The following TRPM8 variants were observed in gnomAD, a reference collection of about 807,000 sequenced individuals.
TRPM8 encodes transient receptor potential cation channel subfamily M member 8.
TRPM8 carries 110 observed loss-of-function variants against 133.7 expected under a neutral mutation model. The observed-to-expected ratio is 0.82, with a 90% CI of 0.70 to 0.96. The LOEUF (loss-of-function observed/expected upper bound fraction) is 0.96, where lower values mean the gene tolerates loss of function less well. Ranked by LOEUF, TRPM8 falls within the 40% of genes least tolerant of loss-of-function variation. TRPM8 has a pLI of 0.00. For synonymous variants in TRPM8, 535 were observed against 532.3 expected (o/e 1.01, Z -0.07); for missense variants, 1,291 against 1,379.5 (o/e 0.94, Z 1.02).
chr2:233,968,802 A>G (rs1259104150), intron 15 of TRPM8, among the ~76,000 whole-genome samples: 1 of 152,020 alleles, frequency 6.6e-6, no homozygotes, highest in East Asian at 1.9e-4. Context: ...AGCTACTGTG[A>G]GTTTTCTAAT....
intron 8 of TRPM8, 38 bp downstream of exon 8, chr2:233,947,193 A>G: frequency 6.2e-7 from 1 of 1,608,644 alleles, no homozygotes; most frequent in Admixed American, 1.7e-5. Context: ...GTTGGCTAAT[A>G]AGCCTATCCA....
intron 6 of TRPM8, among the ~76,000 whole-genome samples, chr2:233,943,852 T>G (rs536938683): frequency 6.6e-6 from 1 of 152,362 alleles, no homozygotes; most frequent in East Asian, 1.9e-4. Context: ...CTGGGCTCCT[T>G]AGAAGCGGCA....
At chr2:233,983,353 TA>T in intron 20 of TRPM8, 129 bp downstream of exon 20, 1 of 1,034,958 alleles carries the variant, frequency 9.7e-7, no homozygotes, top group Non-Finnish European at 1.5e-6. Context: ...CATAACAGAG[TA>T]AAAACTCACT....
intron 17 of TRPM8, among the ~76,000 whole-genome samples, chr2:233,974,056 A>C (rs1453265642): frequency 6.6e-6 from 1 of 152,048 alleles, no homozygotes; most frequent in Non-Finnish European, 1.5e-5. Context: ...TGCAAGAGGG[A>C]GGGGCTGAAA....
intron 1 of TRPM8, among the ~76,000 whole-genome samples, chr2:233,921,094 C>T (rs1293393184): frequency 1.3e-5 from 2 of 152,104 alleles, no homozygotes; most frequent in Non-Finnish European, 2.9e-5. Flanking sequence ...CTCCTGACCT[C>T]AGGCGATCCA....
intron 6 of TRPM8, among the ~76,000 whole-genome samples, chr2:233,944,141 G>T (rs911889823): frequency 7.9e-5 from 12 of 152,132 alleles, no homozygotes; most frequent in African/African-American, 2.9e-4. Flanking sequence ...TTATGGGACT[G>T]ATTTATCTAA....
chr2:233,999,712 C>T (rs1180663742), intron 22 of TRPM8, among the ~76,000 whole-genome samples: 1 of 152,242 alleles, frequency 6.6e-6, no homozygotes, highest in Non-Finnish European at 1.5e-5. Flanking sequence ...GGGGGCTTAC[C>T]TCTCATTAAC....
At chr2:233,935,392 T>C (rs1355579181) in intron 3 of TRPM8, among the ~76,000 whole-genome samples, 1 of 152,208 alleles carries the variant, frequency 6.6e-6, no homozygotes, top group Non-Finnish European at 1.5e-5. Context: ...ATCCTGGTGC[T>C]GACCCACATC....
At chr2:234,016,134 A>G (rs775582491) in intron 25 of TRPM8, among the ~76,000 whole-genome samples, 21 of 152,144 alleles carry the variant, frequency 1.4e-4, no homozygotes, top group Non-Finnish European at 2.5e-4. Flanking sequence ...TTTTATTAAC[A>G]TATTGAGAAT....
chr2:234,005,425 T>G (rs1320434821), intron 22 of TRPM8, among the ~76,000 whole-genome samples: 1 of 152,236 alleles, frequency 6.6e-6, no homozygotes, highest in East Asian at 1.9e-4. Context: ...TGGCTGTCTG[T>G]GTCCAGGAGT....
rs202193573 is a variant in TRPM8 at position 234,017,897 on chromosome 2, C to T, written c.*641C>T. 1 of 152,178 alleles carries T rather than the reference C, an allele frequency of 6.6e-6. No homozygotes were observed. The highest frequency in any genetic ancestry group is 1.9e-4 in the East Asian group (1 of 5,190). 9.4% of individuals were successfully genotyped at this position (152,178 alleles called of 1,614,324 possible). A position where few individuals can be genotyped will look rare whatever the true frequency, so the allele number is the denominator to read the frequency against. On this transcript the variant is annotated 3_prime_UTR_variant, in exon 26 of 26. Transcript: ENST00000324695. ...ACTCACCAGGCTCCTATTGAAGGAA[C>T]CACCCCCATTCCTAAATATGTGAAA...
chr2:233,985,269 C>T (rs1368740880), intron 20 of TRPM8, among the ~76,000 whole-genome samples: 1 of 152,206 alleles, frequency 6.6e-6, no homozygotes, highest in African/African-American at 2.4e-5. Context: ...GCTCTCAGTT[C>T]TGAGACCCTT....
At chr2:233,949,856 G>A (rs773243023) in intron 8 of TRPM8, 93 bp from the exon 9 acceptor site, 79 of 1,142,762 alleles carry the variant, frequency 6.9e-5, no homozygotes, top group Non-Finnish European at 9.3e-5. Context: ...ATGTGTCCGT[G>A]TGTTTCCTCC....
intron 2 of TRPM8, among the ~76,000 whole-genome samples, chr2:233,927,773 TC>T (rs1691561928): frequency 3.1e-5 from 2 of 65,196 alleles, no homozygotes; most frequent in African/African-American, 2.2e-4. Context: ...TTTCTTTCTT[TC>T]TTTCTTTCTT....
intron 24 of TRPM8, among the ~76,000 whole-genome samples, chr2:234,012,943 C>A (rs1011386021): frequency 5.9e-5 from 9 of 151,950 alleles, no homozygotes; most frequent in Non-Finnish European, 8.8e-5. Flanking sequence ...ATATTTTGAA[C>A]CACCCTTGCA....
At chr2:234,010,654 C>T (rs1047677931) in intron 24 of TRPM8, among the ~76,000 whole-genome samples, 6 of 152,148 alleles carry the variant, frequency 3.9e-5, no homozygotes, top group African/African-American at 1.4e-4. Context: ...TATCATCTGC[C>T]TTTTTGATAA....
In TRPM8 at chr2:234,017,450, G is replaced by A. The variant is rs200898247; in HGVS notation, c.*194G>A. On this transcript the variant is annotated 3_prime_UTR_variant, in exon 26 of 26. Coordinates refer to ENST00000324695, the MANE Select transcript of TRPM8 (RefSeq NM_024080.5). ...TGTGATTGGTTTCATACTTGAAGAC[G>A]GATATAAAGGAAGAATATTTCCTTT... 36 of 445,192 alleles carry A rather than the reference G, an allele frequency of 8.1e-5. No homozygotes were observed. Among genetic ancestry groups the A allele is most frequent in the Non-Finnish European group, 1.6e-4 (34 of 216,514 alleles). 27.6% of individuals were successfully genotyped at this position (445,192 alleles called of 1,614,324 possible).
intron 12 of TRPM8, among the ~76,000 whole-genome samples, chr2:233,962,096 G>A (rs921908353): frequency 2.5e-4 from 38 of 152,254 alleles, no homozygotes; most frequent in African/African-American, 8.4e-4. Context: ...GAATGGACAC[G>A]TGTTCTTTTG....
In TRPM8 at chr2:234,017,539, T is replaced by C. The variant is rs1692986291; in HGVS notation, c.*283T>C. 2.8e-6 allele frequency: 1 copy of C among 356,650 alleles called. No homozygotes were observed. Among genetic ancestry groups the C allele is most frequent in the Non-Finnish European group, 5.5e-6 (1 of 181,380 alleles). The allele number at this position is 356,650 out of a possible 1,614,324, so 22.1% of individuals were successfully genotyped here. A position where few individuals can be genotyped will look rare whatever the true frequency, so the allele number is the denominator to read the frequency against. On this transcript the variant is annotated 3_prime_UTR_variant, in exon 26 of 26. Transcript: ENST00000324695. ...CTCAATGCCTGGGACTGGAGGTTGATAGTTTAAGTGTGTTCTTACCGCCTC... is the reference window on the plus strand; with the variant it reads ...CTCAATGCCTGGGACTGGAGGTTGACAGTTTAAGTGTGTTCTTACCGCCTC...
Sources: gnomAD v4.1 joint callset for allele counts (sites outside exome capture counted in the v4.1 genomes callset) on GRCh38, gnomAD v4.1.1 for gene constraint, MANE v1.5 for transcripts, NCBI Gene and HGNC (gene_info 2026-07-23, HGNC 2026-07-21) for gene names.